ATP8A2: variants seen among roughly 807,000 people sequenced by gnomAD.
ATP8A2 encodes the protein phospholipid-transporting ATPase IB.
Under a neutral mutation model 165.6 loss-of-function variants are expected in ATP8A2, and 100 were observed. The ratio of observed to expected loss-of-function variants is 0.60; its 90% CI spans 0.51 to 0.71. The LOEUF is 0.71. Among genes scored for constraint, ATP8A2 ranks in the 30% least tolerant of loss-of-function variants. The pLI is 0.00. For synonymous variants in ATP8A2, 543 were observed against 548.8 expected, an observed-to-expected ratio of 0.99 and a Z score of 0.15; for missense variants, 1,227 against 1,479.5, an observed-to-expected ratio of 0.83 and a Z score of 2.80.
chr13:25,529,126 T>C (rs1455176292), intron 2 of ATP8A2, among the ~76,000 whole-genome samples: 1 of 152,174 alleles, frequency 6.6e-6, no homozygotes, highest in Admixed American at 6.5e-5. Flanking sequence ...GAAAACCTGC[T>C]GGATAATCTT....
intron 1 of ATP8A2, among the ~76,000 whole-genome samples, chr13:25,395,234 C>T (rs553242210): frequency 2.6e-4 from 39 of 152,230 alleles, no homozygotes; most frequent in Middle Eastern, 3.4e-3. Flanking sequence ...GGTCATCCCT[C>T]AGTAGGCTGC....
intron 24 of ATP8A2, among the ~76,000 whole-genome samples, chr13:25,609,428 A>G (rs2040598757): frequency 6.6e-6 from 1 of 150,638 alleles, no homozygotes; most frequent in South Asian, 2.1e-4. Flanking sequence ...TGGCCTCATT[A>G]CGTACAATTT....
chr13:25,716,175 G>T (rs1336339045), intron 25 of ATP8A2, among the ~76,000 whole-genome samples: 1 of 152,152 alleles, frequency 6.6e-6, no homozygotes. Flanking sequence ...AAATTGGGTT[G>T]CTTGTCTTTT....
chr13:25,921,165 T>C (rs759799148), intron 33 of ATP8A2, among the ~76,000 whole-genome samples: 7 of 152,126 alleles, frequency 4.6e-5, no homozygotes, highest in African/African-American at 7.2e-5. Flanking sequence ...TTTTCCTCAC[T>C]CCCATTGCGT....
intron 25 of ATP8A2, among the ~76,000 whole-genome samples, chr13:25,743,451 G>A (rs1252806245): frequency 2.0e-5 from 3 of 152,222 alleles, no homozygotes; most frequent in Non-Finnish European, 4.4e-5. Flanking sequence ...GGAGATGTTA[G>A]CATGGAGAAT....
At chr13:25,522,497 G>A (rs1458311760) in intron 2 of ATP8A2, among the ~76,000 whole-genome samples, 4 of 152,100 alleles carry the variant, frequency 2.6e-5, no homozygotes, top group African/African-American at 9.7e-5. Context: ...GATCTTAGAG[G>A]AAAGGCTTTC....
At chr13:25,978,942 A>G (rs1291698331) in intron 35 of ATP8A2, among the ~76,000 whole-genome samples, 1 of 152,040 alleles carries the variant, frequency 6.6e-6, no homozygotes, top group Non-Finnish European at 1.5e-5. Context: ...TACGGCTCAA[A>G]AAAAAAAGCC....
At chr13:25,574,880 T>G in intron 19 of ATP8A2, 23 bp downstream of exon 19, 1 of 1,311,834 alleles carries the variant, frequency 7.6e-7, no homozygotes, top group Non-Finnish European at 1.1e-6. Flanking sequence ...TTCATACGTT[T>G]GAAATAAAAT....
intron 16 of ATP8A2, among the ~76,000 whole-genome samples, chr13:25,569,020 C>T (rs1026632141): frequency 1.3e-5 from 2 of 152,168 alleles, no homozygotes; most frequent in South Asian, 2.1e-4. Flanking sequence ...TTCTTTATAA[C>T]TCTTAGAAAA....
intron 25 of ATP8A2, among the ~76,000 whole-genome samples, chr13:25,710,899 A>G (rs985976003): frequency 1.5e-5 from 2 of 130,258 alleles, no homozygotes; most frequent in East Asian, 2.0e-4. Context: ...ACTAACATCT[A>G]CTACTCCTGA....
chr13:25,970,552 G>A (rs957779863), intron 35 of ATP8A2, among the ~76,000 whole-genome samples: 11 of 152,230 alleles, frequency 7.2e-5, no homozygotes, highest in Non-Finnish European at 1.3e-4. Context: ...TTGAATTCTG[G>A]CTTTGCTACC....
intron 2 of ATP8A2, among the ~76,000 whole-genome samples, chr13:25,518,407 G>C (rs61948597): frequency 4.6e-5 from 7 of 152,216 alleles, no homozygotes; most frequent in African/African-American, 1.4e-4. Context: ...AACGCTTACT[G>C]TATGTTGGGA....
chr13:25,514,014 G>A (rs1260247378), intron 2 of ATP8A2, among the ~76,000 whole-genome samples: 4 of 151,010 alleles, frequency 2.6e-5, no homozygotes, highest in African/African-American at 9.7e-5. Context: ...GAGAGGGAGA[G>A]GGAGAGGGAG....
At chr13:25,871,013 A>G (rs909148349) in intron 33 of ATP8A2, among the ~76,000 whole-genome samples, 1 of 151,854 alleles carries the variant, frequency 6.6e-6, no homozygotes, top group African/African-American at 2.4e-5. Context: ...CTTCCCCCGT[A>G]TACAATTTCC....
intron 1 of ATP8A2, among the ~76,000 whole-genome samples, chr13:25,465,737 T>TTCTTTCCCTCCCTCCCTCCC (rs1555274928): frequency 5.4e-4 from 3 of 5,602 alleles, no homozygotes; most frequent in Non-Finnish European, 6.4e-4. Flanking sequence ...CTTTCTTTCT[T>TTCTTTCCCTCCCTCCCTCCC]TCCCTCCCTC....
intron 27 of ATP8A2, among the ~76,000 whole-genome samples, chr13:25,796,636 G>A (rs971330892): frequency 2.6e-5 from 4 of 152,168 alleles, no homozygotes; most frequent in African/African-American, 9.7e-5. Flanking sequence ...AGCCCAGAGG[G>A]AAGTATTTCT....
chr13:25,612,385 T>G lies in ATP8A2; in HGVS notation c.2211+22686T>G, dbSNP rs146568349. Among the ~76,000 whole-genome samples the G allele has an allele frequency of 3.9e-4, 59 of 152,314 alleles. 1 individual carries two copies. The East Asian group carries it at 0.011, about 29-fold the overall frequency. ...TTTTAAATTTTTCTCTTGATTTCAT[T>G]GTTGACCCAATGATCATTCAGTAGC... is the stretch of plus-strand genomic sequence containing the variant. On this transcript the variant is annotated intron_variant, in intron 24 of 36. Transcript: ENST00000381655.
intron 33 of ATP8A2, among the ~76,000 whole-genome samples, chr13:25,887,399 C>T (rs1260491808): frequency 2.6e-5 from 4 of 151,798 alleles, no homozygotes; most frequent in Middle Eastern, 3.4e-3. Context: ...AGTGCAGTGG[C>T]GCGATCTTGG....
intron 24 of ATP8A2, among the ~76,000 whole-genome samples, chr13:25,641,840 C>T (rs2041531337): frequency 3.6e-5 from 1 of 27,552 alleles, no homozygotes; most frequent in Non-Finnish European, 7.5e-5. Flanking sequence ...GTCACGCTAC[C>T]TGACTTCAAA....
Sources: gnomAD v4.1 joint callset for allele counts (sites outside exome capture counted in the v4.1 genomes callset) on GRCh38, gnomAD v4.1.1 for gene constraint, MANE v1.5 for transcripts, NCBI Gene and HGNC (gene_info 2026-07-23, HGNC 2026-07-21) for gene names.